ATPSCKMT: variants seen among roughly 807,000 people sequenced by gnomAD.
The protein encoded by ATPSCKMT is ATP synthase subunit C lysine N-methyltransferase.
A neutral mutation model predicts 24.3 loss-of-function variants in ATPSCKMT; 24 were observed. The ratio of observed to expected loss-of-function variants is 0.99; its 90% CI spans 0.71 to 1.39. The LOEUF (loss-of-function observed/expected upper bound fraction) is 1.39, where lower values mean the gene tolerates loss of function less well. Among genes scored for constraint, ATPSCKMT ranks in the 40% most tolerant of loss-of-function variants. ATPSCKMT has a pLI of 0.00. For missense variants in ATPSCKMT, 311 were observed against 298.4 expected, an observed-to-expected ratio of 1.04 and a Z score of -0.31; for synonymous variants, 95 against 110.5, an observed-to-expected ratio of 0.86 and a Z score of 0.88.
chr5:10,237,132 A>G (rs897604688), intron 2 of ATPSCKMT: 2 of 824,210 alleles, frequency 2.4e-6, no homozygotes, highest in Admixed American at 2.4e-5. Context: ...GTAAAATGAA[A>G]TGAATCCCAA....
chr5:10,233,317 A>C (rs1744235845), intron 4 of ATPSCKMT, among the ~76,000 whole-genome samples: 1 of 151,868 alleles, frequency 6.6e-6, no homozygotes, highest in Non-Finnish European at 1.5e-5. Flanking sequence ...GGGCCTCCAC[A>C]CACAAAACTT....
chr5:10,237,152 C>T (rs1200613286), intron 2 of ATPSCKMT: 15 of 670,252 alleles, frequency 2.2e-5, no homozygotes, highest in Non-Finnish European at 2.7e-5. Context: ...ATAACGTCAA[C>T]TGTGGAATCC....
rs1422778593 is a variant in ATPSCKMT at position 10,225,716 on chromosome 5, C to T, written c.*1725G>A. ...ACCTCCCACCAGGTCCTTCCCACAA[C>T]ACGTGGGAATTCAAGATGAGATTTG... On this transcript the variant is annotated 3_prime_UTR_variant, in exon 5 of 5. Transcript: ENST00000511437. Among the ~76,000 whole-genome samples, 1 of 152,168 alleles carries T rather than the reference C, an allele frequency of 6.6e-6. No homozygotes were observed. The highest frequency in any genetic ancestry group is 2.4e-5 in the African/African-American group (1 of 41,438).
chr5:10,241,876 C>T (rs1744660626), intron 1 of ATPSCKMT, among the ~76,000 whole-genome samples: 1 of 152,166 alleles, frequency 6.6e-6, no homozygotes, highest in Admixed American at 6.5e-5. Context: ...ATTAAGTGTG[C>T]AATTGCACTG....
intron 4 of ATPSCKMT, among the ~76,000 whole-genome samples, chr5:10,229,691 G>T (rs1319785168): frequency 6.6e-6 from 1 of 152,140 alleles, no homozygotes; most frequent in Non-Finnish European, 1.5e-5. Context: ...TCTACCGTAA[G>T]GAACAGCTTT....
At chr5:10,244,154 A>G (rs954412361) in intron 1 of ATPSCKMT, among the ~76,000 whole-genome samples, 2 of 152,188 alleles carry the variant, frequency 1.3e-5, no homozygotes, top group Admixed American at 1.3e-4. Flanking sequence ...GAAAACACAC[A>G]TTTATCGATT....
chr5:10,227,462 G>A lies in ATPSCKMT; in HGVS notation c.681C>T (p.Phe227=). ...REKRPCTSMH[F]QLPIQA Reference sequence around the variant, plus strand: ...AAGTTTATGCTTGAATGGGCAGCTGGAAATGCATCGATGTACAGGGCCTCT... The same window carrying A: ...AAGTTTATGCTTGAATGGGCAGCTGAAAATGCATCGATGTACAGGGCCTCT... Residue 227 remains phenylalanine, a synonymous_variant, in exon 5 of 5, where the codon TTC becomes TTT. Coordinates refer to ENST00000511437, the MANE Select transcript of ATPSCKMT (RefSeq NM_199133.4). The A allele has an allele frequency of 6.2e-7, 1 of 1,614,144 alleles. No homozygotes were observed. Among genetic ancestry groups the A allele is most frequent in the Non-Finnish European group, 8.5e-7 (1 of 1,180,032 alleles).
intron 2 of ATPSCKMT, among the ~76,000 whole-genome samples, chr5:10,237,515 G>A (rs777128204): frequency 6.6e-6 from 1 of 152,126 alleles, no homozygotes; most frequent in Admixed American, 6.5e-5. Context: ...TCATGACAGT[G>A]AGTAAGTCTC....
At chr5:10,246,809 T>C (rs780743190) in intron 1 of ATPSCKMT, among the ~76,000 whole-genome samples, 95 of 152,084 alleles carry the variant, frequency 6.2e-4, no homozygotes, top group Admixed American at 1.7e-3. Context: ...AGGGGTGGGG[T>C]CCAGGAGAGG....
intron 3 of ATPSCKMT, 195 bp downstream of exon 3, chr5:10,236,283 A>G: frequency 2.0e-6 from 1 of 493,602 alleles, no homozygotes; most frequent in East Asian, 3.5e-5. Flanking sequence ...GACCTATCAT[A>G]TAAAAACTTT....
chr5:10,245,746 CAAA>C (rs773111276), intron 1 of ATPSCKMT, among the ~76,000 whole-genome samples: 2 of 94,108 alleles, frequency 2.1e-5, no homozygotes, highest in Non-Finnish European at 2.3e-5. Context: ...GACCTCATTA[CAAA>C]AAAAAAAAAA....
At position 10,227,466 on chromosome 5, in the gene ATPSCKMT, T is replaced by G. The variant is rs761973841; in HGVS notation, c.677A>C (p.His226Pro). Residue 226 changes from histidine (H) to proline (P), a missense_variant, in exon 5 of 5, where the codon CAT becomes CCT. Transcript: ENST00000511437. Reference protein sequence around the residue: ...GREKRPCTSMHFQLPIQA With the variant: ...GREKRPCTSMPFQLPIQA ...TTATGCTTGAATGGGCAGCTGGAAA[T>G]GCATCGATGTACAGGGCCTCTTTTC... is the stretch of plus-strand genomic sequence containing the variant. 8 of 1,614,200 alleles carry G rather than the reference T, an allele frequency of 5.0e-6. No individual in the cohort carries two copies. In the South Asian group the frequency reaches 8.8e-5, roughly 18 times the overall value.
Position 10,239,346 on chromosome 5 carries a change from T to C in ATPSCKMT, c.27A>G (p.Leu9=). Reference sequence around the variant, plus strand: ...ACTGACTTTCTTCTTTAAGTGTTTCTAGGGGTATACCTAGATTGAAAGCAA... The same window carrying C: ...ACTGACTTTCTTCTTTAAGTGTTTCCAGGGGTATACCTAGATTGAAAGCAA... The part of the protein sequence containing the change: MEGGGGIP[L]ETLKEESQSR... Residue 9 remains leucine, a synonymous_variant, in exon 2 of 5, where the codon CTA becomes CTG. Coordinates refer to ENST00000511437, the MANE Select transcript of ATPSCKMT (RefSeq NM_199133.4). The C allele has an allele frequency of 6.2e-7, 1 of 1,613,594 alleles. No individual in the cohort carries two copies. The highest frequency in any genetic ancestry group is 8.5e-7 in the Non-Finnish European group (1 of 1,179,738).
intron 4 of ATPSCKMT, among the ~76,000 whole-genome samples, chr5:10,231,968 T>C (rs948368325): frequency 1.3e-5 from 2 of 152,270 alleles, no homozygotes; most frequent in Non-Finnish European, 2.9e-5. Flanking sequence ...TTTGGGAGTC[T>C]GCAGCCGGAG....
rs1743882870 is a variant in ATPSCKMT, at chr5:10,226,443, T to C, written c.*998A>G. 6.6e-6 allele frequency: 1 copy of C among 152,248 alleles called. No individual in the cohort carries two copies. Among genetic ancestry groups the C allele is most frequent in the Admixed American group, 6.5e-5 (1 of 15,280 alleles). 9.4% of individuals were successfully genotyped at this position (152,248 alleles called of 1,614,324 possible). A position where few individuals can be genotyped will look rare whatever the true frequency, so the allele number is the denominator to read the frequency against. ...TATGACTGGGAGTTCAATTCTTTTC[T>C]GTGATAAGTACGAATGACTCAAGCT... On this transcript the variant is annotated 3_prime_UTR_variant, in exon 5 of 5. Transcript: ENST00000511437.
At position 10,246,865 on chromosome 5, in the gene ATPSCKMT, G is replaced by A. The variant is rs183405078; in HGVS notation, c.16+2993C>T. 1.2e-4 allele frequency among the ~76,000 whole-genome samples: 19 copies of A among 152,292 alleles called. No individual in the cohort carries two copies. The East Asian group carries it at 3.1e-3, about 25-fold the overall frequency. On this transcript the variant is annotated intron_variant, in intron 1 of 4. Transcript: ENST00000511437. Reference sequence around the variant, plus strand: ...AGAAATGCTATAACACAAACAAAACGCTACAGGCATATGGGAGAGGCGGAG... The same window carrying A: ...AGAAATGCTATAACACAAACAAAACACTACAGGCATATGGGAGAGGCGGAG...
In ATPSCKMT at chr5:10,225,881, T is replaced by A. The variant is rs1396469; in HGVS notation, c.*1560A>T. ...GGCAAGGAGCTACCATGGATCCCCC[T>A]CCGAGTGTGCCCAGACCAGTTACAG... On this transcript the variant is annotated 3_prime_UTR_variant, in exon 5 of 5. Coordinates refer to ENST00000511437, the MANE Select transcript of ATPSCKMT (RefSeq NM_199133.4). 0.17 allele frequency among the ~76,000 whole-genome samples: 26,444 copies of A among 152,112 alleles called. 3,684 individuals carry two copies. The highest frequency in any genetic ancestry group is 0.73 in the East Asian group (3,770 of 5,172).
rs1353371687 is a variant in ATPSCKMT, at chr5:10,226,610, A to T, written c.*831T>A. 1 of 152,242 alleles carries T rather than the reference A, an allele frequency of 6.6e-6. No homozygotes were observed. The highest frequency in any genetic ancestry group is 1.5e-5 in the Non-Finnish European group (1 of 68,042). The allele number at this position is 152,242 out of a possible 1,614,324, so 9.4% of individuals were successfully genotyped here. A position where few individuals can be genotyped will look rare whatever the true frequency, so the allele number is the denominator to read the frequency against. Reference sequence around the variant, plus strand: ...AAATGAGTGGCAGCTCTCAAGAAATAAAAAAGTGACTAGCAGAAATAATCT... The same window carrying T: ...AAATGAGTGGCAGCTCTCAAGAAATTAAAAAGTGACTAGCAGAAATAATCT... On this transcript the variant is annotated 3_prime_UTR_variant, in exon 5 of 5. Transcript: ENST00000511437.
intron 1 of ATPSCKMT, among the ~76,000 whole-genome samples, chr5:10,248,964 C>T (rs1318548327): frequency 2.6e-5 from 4 of 152,122 alleles, no homozygotes; most frequent in Admixed American, 2.0e-4. Context: ...TCTGAGGCAG[C>T]ATAATACAGG....
Sources: allele counts gnomAD v4.1 joint callset (sites outside exome capture counted in the v4.1 genomes callset), GRCh38; gene constraint gnomAD v4.1.1; transcripts MANE v1.5; gene names NCBI Gene and HGNC (gene_info 2026-07-23, HGNC 2026-07-21).